GNAO1: variants seen among roughly 807,000 people sequenced by gnomAD.
GNAO1 encodes the protein G protein subunit alpha o1.
For synonymous variants in GNAO1, 164 were observed against 180.7 expected, an observed-to-expected ratio of 0.91 and a Z score of 0.74; for missense variants, 166 against 478.7, an observed-to-expected ratio of 0.35 and a Z score of 6.10.
intron 2 of GNAO1, among the ~76,000 whole-genome samples, chr16:56,250,765 C>T (rs1025342316): frequency 6.6e-6 from 1 of 152,182 alleles, no homozygotes; most frequent in African/African-American, 2.4e-5. Flanking sequence ...GGATTCACCC[C>T]TCAGCCTCAG....
chr16:56,315,053 TC>T (rs1287256824), intron 3 of GNAO1, among the ~76,000 whole-genome samples: 1 of 152,074 alleles, frequency 6.6e-6, no homozygotes, highest in African/African-American at 2.4e-5. Context: ...GGAGCCAGTG[TC>T]CCCGGGGAAA....
chr16:56,266,788 T>A (rs529726364), intron 2 of GNAO1, among the ~76,000 whole-genome samples: 1 of 152,292 alleles, frequency 6.6e-6, no homozygotes, highest in East Asian at 1.9e-4. Context: ...GTTGAGAACT[T>A]GCCCACAGTC....
At position 56,342,856 on chromosome 16, in the gene GNAO1, T is replaced by C. The variant is rs574756679; in HGVS notation, c.723+5996T>C. 2.0e-4 allele frequency among the ~76,000 whole-genome samples: 31 copies of C among 152,330 alleles called. No individual in the cohort carries two copies. In the South Asian group the frequency reaches 5.0e-3, roughly 24 times the overall value. ...GGCTGGGCATGGTGGCTCACACCTG[T>C]AATCCCAGCACTTTGGGAGGCCGAG... On this transcript the variant is annotated intron_variant, in intron 6 of 8. Coordinates refer to ENST00000262493, the MANE Select transcript of GNAO1 (RefSeq NM_020988.3).
intron 4 of GNAO1, chr16:56,329,040 G>T (rs533391374): frequency 2.9e-5 from 14 of 481,494 alleles, no homozygotes; most frequent in Non-Finnish European, 4.9e-5. Context: ...AATTCCCAGA[G>T]GGCCGGGACC....
At chr16:56,196,138 C>T (rs2036230511) in intron 2 of GNAO1, among the ~76,000 whole-genome samples, 2 of 151,444 alleles carry the variant, frequency 1.3e-5, no homozygotes, top group South Asian at 4.2e-4. Flanking sequence ...TTTTGGGTTC[C>T]CCCCCCCTTG....
At chr16:56,323,558 G>T (rs748520859) in intron 3 of GNAO1, among the ~76,000 whole-genome samples, 6 of 151,766 alleles carry the variant, frequency 4.0e-5, no homozygotes, top group Non-Finnish European at 7.4e-5. Flanking sequence ...GAGAAAAAGG[G>T]TGCCCCTTAC....
At chr16:56,227,598 C>T (rs1414968623) in intron 2 of GNAO1, among the ~76,000 whole-genome samples, 32 of 143,108 alleles carry the variant, frequency 2.2e-4, no homozygotes, top group South Asian at 1.3e-3. Context: ...CAAGGCAAGA[C>T]GATCACTTAA....
At chr16:56,298,370 C>T (rs1283866140) in intron 3 of GNAO1, among the ~76,000 whole-genome samples, 1 of 152,102 alleles carries the variant, frequency 6.6e-6, no homozygotes, top group African/African-American at 2.4e-5. Context: ...ACTCCATTGT[C>T]ACCTCCCTTC....
At chr16:56,246,195 G>A (rs1596818715) in intron 2 of GNAO1, among the ~76,000 whole-genome samples, 1 of 152,212 alleles carries the variant, frequency 6.6e-6, no homozygotes, top group East Asian at 1.9e-4. Context: ...TGCTCTTGGA[G>A]GTGAGGTCAG....
At chr16:56,333,682 G>A (rs1455405884) in intron 4 of GNAO1, among the ~76,000 whole-genome samples, 1 of 152,256 alleles carries the variant, frequency 6.6e-6, no homozygotes, top group Non-Finnish European at 1.5e-5. Context: ...GGACATCCAT[G>A]AGCTGGTCAG....
At chr16:56,261,165 C>G (rs2143483269) in intron 2 of GNAO1, among the ~76,000 whole-genome samples, 1 of 152,316 alleles carries the variant, frequency 6.6e-6, no homozygotes, top group East Asian at 1.9e-4. Flanking sequence ...TTTTGGCAGA[C>G]TTTACCATAA....
intron 2 of GNAO1, among the ~76,000 whole-genome samples, chr16:56,218,700 C>G (rs151049685): frequency 2.6e-5 from 4 of 152,282 alleles, no homozygotes; most frequent in Non-Finnish European, 5.9e-5. Flanking sequence ...ACTGGTCTTC[C>G]ATCCGTGTTT....
At chr16:56,288,008 T>C (rs1294471586) in intron 3 of GNAO1, among the ~76,000 whole-genome samples, 1 of 152,202 alleles carries the variant, frequency 6.6e-6, no homozygotes, top group Non-Finnish European at 1.5e-5. Flanking sequence ...TAAATGCTGC[T>C]GAAATGGCTA....
chr16:56,347,364 G>A (rs939120400), intron 6 of GNAO1: 11 of 985,468 alleles, frequency 1.1e-5, no homozygotes, highest in African/African-American at 1.7e-5. Flanking sequence ...CAAGCCTAGA[G>A]CGCAGGATCC....
rs937584504 is a variant in GNAO1 at position 56,351,819 on chromosome 16, C to T, written c.877+282C>T. On this transcript the variant is annotated intron_variant, in intron 7 of 8. Coordinates refer to ENST00000262493, the MANE Select transcript of GNAO1 (RefSeq NM_020988.3). The surrounding 1 kb of genome is among the most constrained non-coding windows in gnomAD (Gnocchi z 6.1). ...GCAGGGGGCAGGACAGGATCACAGG[C>T]TTCCCCCTTCCTCCTGGTCACCCTC... 1.1e-5 allele frequency: 4 copies of T among 377,688 alleles called. No homozygotes were observed. The highest frequency in any genetic ancestry group is 1.9e-5 in the Non-Finnish European group (4 of 206,058). 23.4% of individuals were successfully genotyped at this position (377,688 alleles called of 1,614,324 possible). A position where few individuals can be genotyped will look rare whatever the true frequency, so the allele number is the denominator to read the frequency against.
At position 56,331,681 on chromosome 16, in the gene GNAO1, G is replaced by A. The variant is rs566210952; in HGVS notation, c.464+2890G>A. Among the ~76,000 whole-genome samples the A allele has an allele frequency of 1.7e-4, 26 of 152,254 alleles. No homozygotes were observed. In the East Asian group the frequency reaches 3.3e-3, roughly 19 times the overall value. ...GGTCTGCTGGGGGCTGCTGTATCCC[G>A]TCCCCAAGCTCCATCCCAGAAGCAC... On this transcript the variant is annotated intron_variant, in intron 4 of 8. Transcript: ENST00000262493.
chr16:56,249,979 A>G (rs2036784704), intron 2 of GNAO1, among the ~76,000 whole-genome samples: 1 of 152,210 alleles, frequency 6.6e-6, no homozygotes, highest in African/African-American at 2.4e-5. Context: ...AGATAGGGAC[A>G]CCAGGACACA....
chr16:56,273,802 T>C (rs1450264359), intron 2 of GNAO1, among the ~76,000 whole-genome samples: 2 of 152,244 alleles, frequency 1.3e-5, no homozygotes, highest in African/African-American at 2.4e-5. Flanking sequence ...CTCTGCTGAG[T>C]GCCCCAGGCG....
At chr16:56,197,559 G>A (rs542317904) in intron 2 of GNAO1, among the ~76,000 whole-genome samples, 277 of 152,306 alleles carry the variant, frequency 1.8e-3, no homozygotes, top group African/African-American at 6.5e-3. Context: ...TTACCTATTG[G>A]ATTCTAAAGT....
Sources: allele counts gnomAD v4.1 joint callset (sites outside exome capture counted in the v4.1 genomes callset), GRCh38; gene constraint gnomAD v4.1.1; non-coding constraint Gnocchi (gnomAD v3.1); transcripts MANE v1.5; gene names NCBI Gene and HGNC (gene_info 2026-07-23, HGNC 2026-07-21).